KHDRBS2: variants seen among roughly 807,000 people sequenced by gnomAD.
KHDRBS2 encodes KH domain-containing, RNA-binding, signal transduction-associated protein 2.
A neutral mutation model predicts 44.3 loss-of-function variants in KHDRBS2; 26 were observed. The ratio of observed to expected loss-of-function variants is 0.59; its 90% CI spans 0.43 to 0.81. The LOEUF is 0.81. Ranked by LOEUF, KHDRBS2 falls within the 40% of genes least tolerant of loss-of-function variation. The probability of loss-of-function intolerance (pLI) is 0.00; values close to 1 mark genes in which losing one functional copy is unlikely to be tolerated. For synonymous variants in KHDRBS2, 194 were observed against 151.1 expected (o/e 1.28, Z -2.08); for missense variants, 476 against 433.1 (o/e 1.10, Z -0.88).
the KHDRBS2 span, among the ~76,000 whole-genome samples, chr6:61,559,728 T>A: frequency 9.9e-5 from 15 of 152,202 alleles, no homozygotes; most frequent in African/African-American, 3.1e-4. Flanking sequence ...ACTCCAACTT[T>A]TTAAACTTTT....
chr6:62,070,951 C>A (rs938120459), intron 2 of KHDRBS2, among the ~76,000 whole-genome samples: 4 of 152,158 alleles, frequency 2.6e-5, no homozygotes, highest in Admixed American at 2.0e-4. Context: ...TTTACAGTCC[C>A]ACCAACAGTG....
At chr6:61,969,279 C>A (rs901944541) in intron 4 of KHDRBS2, among the ~76,000 whole-genome samples, 1 of 151,984 alleles carries the variant, frequency 6.6e-6, no homozygotes, top group Non-Finnish European at 1.5e-5. Context: ...CATCTAGGTT[C>A]TAGAGAAAAG....
At chr6:61,544,834 A>G in the KHDRBS2 span, among the ~76,000 whole-genome samples, 2 of 152,114 alleles carry the variant, frequency 1.3e-5, no homozygotes, top group South Asian at 2.1e-4. Context: ...ACAAGGACAA[A>G]AAACCAAACA....
the KHDRBS2 span, among the ~76,000 whole-genome samples, chr6:61,543,838 A>C: frequency 2.6e-5 from 4 of 152,082 alleles, no homozygotes; most frequent in African/African-American, 9.7e-5. Flanking sequence ...GTTAAGTGAG[A>C]TATGCCAGGC....
At chr6:62,178,170 G>A (rs1209234114) in intron 1 of KHDRBS2, among the ~76,000 whole-genome samples, 1 of 151,474 alleles carries the variant, frequency 6.6e-6, no homozygotes, top group African/African-American at 2.4e-5. Context: ...GGAGACTCAA[G>A]CAGTGGCTAT....
chr6:62,172,582 C>A (rs1820237637), intron 2 of KHDRBS2, among the ~76,000 whole-genome samples: 1 of 151,432 alleles, frequency 6.6e-6, no homozygotes, highest in East Asian at 1.9e-4. Flanking sequence ...GCTAAATGAA[C>A]CTAATAGACA....
chr6:62,192,974 T>C (rs1443629087), intron 1 of KHDRBS2, among the ~76,000 whole-genome samples: 1 of 152,110 alleles, frequency 6.6e-6, no homozygotes, highest in South Asian at 2.1e-4. Flanking sequence ...TTGAGAAGTT[T>C]ATTAAATACA....
At chr6:61,677,581 G>A (rs754353593), downstream of KHDRBS2, among the ~76,000 whole-genome samples, 8 of 151,970 alleles carry the variant, frequency 5.3e-5, no homozygotes, top group East Asian at 7.8e-4. Flanking sequence ...CTTGTCTTAC[G>A]GGGGTAGTTT....
chr6:62,252,141 G>A (rs1256406102), intron 1 of KHDRBS2, among the ~76,000 whole-genome samples: 1 of 151,536 alleles, frequency 6.6e-6, no homozygotes, highest in Non-Finnish European at 1.5e-5. Context: ...TTTTTAATAG[G>A]CTTTGACAAA....
At chr6:61,720,407 G>T (rs1268627567) in intron 7 of KHDRBS2, among the ~76,000 whole-genome samples, 2 of 152,018 alleles carry the variant, frequency 1.3e-5, no homozygotes, top group African/African-American at 4.8e-5. Flanking sequence ...GTGTAAAAGT[G>T]TTCCTATTTC....
chr6:61,612,544 A>G, the KHDRBS2 span, among the ~76,000 whole-genome samples: 1 of 152,242 alleles, frequency 6.6e-6, no homozygotes, highest in Non-Finnish European at 1.5e-5. Flanking sequence ...GGCAAATAAG[A>G]CAATGCTTCT....
the KHDRBS2 span, among the ~76,000 whole-genome samples, chr6:61,613,169 G>A: frequency 3.7e-4 from 56 of 151,940 alleles, no homozygotes; most frequent in Non-Finnish European, 6.2e-4. Flanking sequence ...AGCTTTTTAC[G>A]TATTTGTTTA....
chr6:61,551,736 G>A, the KHDRBS2 span, among the ~76,000 whole-genome samples: 1 of 151,974 alleles, frequency 6.6e-6, no homozygotes, highest in Non-Finnish European at 1.5e-5. Flanking sequence ...TTGCTTTTGT[G>A]GCATACCATG....
At chr6:61,869,050 C>T (rs576747564) in intron 6 of KHDRBS2, among the ~76,000 whole-genome samples, 9 of 152,268 alleles carry the variant, frequency 5.9e-5, no homozygotes, top group Admixed American at 4.6e-4. Context: ...GGGAGTTGCA[C>T]ATTCATTCAC....
intron 2 of KHDRBS2, among the ~76,000 whole-genome samples, chr6:62,071,745 C>A (rs1284474718): frequency 2.0e-5 from 3 of 152,104 alleles, no homozygotes; most frequent in Non-Finnish European, 4.4e-5. Flanking sequence ...TTACTGTAGC[C>A]TTGTAGTATA....
intron 2 of KHDRBS2, among the ~76,000 whole-genome samples, chr6:62,137,368 A>G (rs968766109): frequency 2.0e-5 from 3 of 152,190 alleles, no homozygotes; most frequent in Admixed American, 6.5e-5. Context: ...GATTTCTGGC[A>G]TGTAAATAGA....
At chr6:61,575,807 C>G in the KHDRBS2 span, among the ~76,000 whole-genome samples, 1 of 152,006 alleles carries the variant, frequency 6.6e-6, no homozygotes, top group Non-Finnish European at 1.5e-5. Flanking sequence ...TCTGCAGCAA[C>G]CTGGATGGAG....
chr6:61,763,049 C>T (rs1779505472), intron 6 of KHDRBS2, among the ~76,000 whole-genome samples: 1 of 152,176 alleles, frequency 6.6e-6, no homozygotes, highest in African/African-American at 2.4e-5. Flanking sequence ...CTTCAATGAG[C>T]TTCATGATCT....
intron 6 of KHDRBS2, among the ~76,000 whole-genome samples, chr6:61,860,570 A>G (rs1385930423): frequency 7.2e-5 from 11 of 152,202 alleles, no homozygotes; most frequent in African/African-American, 2.4e-4. Context: ...TTATGGCTGC[A>G]TAATATTCCA....
Sources: allele counts gnomAD v4.1 joint callset (sites outside exome capture counted in the v4.1 genomes callset), GRCh38; gene constraint gnomAD v4.1.1; transcripts MANE v1.5; gene names NCBI Gene and HGNC (gene_info 2026-07-23, HGNC 2026-07-21).